Variants in TRHDE observed in about 807,000 individuals in gnomAD.
TRHDE encodes the protein thyrotropin releasing hormone degrading enzyme.
TRHDE carries 72 observed loss-of-function variants against 125.7 expected under a neutral mutation model. The observed-to-expected ratio is 0.57, with a 90% CI of 0.47 to 0.70. The LOEUF (loss-of-function observed/expected upper bound fraction) is 0.70. Among genes scored for constraint, TRHDE ranks in the 30% least tolerant of loss-of-function variants. The pLI, the probability that TRHDE is intolerant of heterozygous loss-of-function variation, is 0.00. For missense variants in TRHDE, 1,110 were observed against 1,327.1 expected (o/e 0.84, Z 2.54); for synonymous variants, 509 against 509.1 (o/e 1.00, Z 0.00).
At chr12:72,624,945 GAC>G (rs1283078954) in intron 15 of TRHDE, among the ~76,000 whole-genome samples, 5 of 149,996 alleles carry the variant, frequency 3.3e-5, no homozygotes, top group South Asian at 4.2e-4. Flanking sequence ...AAAAAAAAAA[GAC>G]ACAGAAAAGA....
At chr12:72,650,393 A>G (rs936830575) in intron 15 of TRHDE, among the ~76,000 whole-genome samples, 5 of 152,142 alleles carry the variant, frequency 3.3e-5, no homozygotes, top group Admixed American at 6.6e-5. Flanking sequence ...TAACTGTCAT[A>G]TATGGCACCA....
chr12:72,422,780 C>T (rs1211506505), intron 3 of TRHDE, among the ~76,000 whole-genome samples: 1 of 151,984 alleles, frequency 6.6e-6, no homozygotes, highest in Non-Finnish European at 1.5e-5. Flanking sequence ...CTGAATGTGA[C>T]CATGTTTTTG....
intron 15 of TRHDE, among the ~76,000 whole-genome samples, chr12:72,626,374 C>G (rs187322785): frequency 5.9e-4 from 89 of 151,986 alleles, no homozygotes; most frequent in African/African-American, 2.0e-3. Context: ...GAGTTACCCT[C>G]TACTTGTTTT....
At chr12:72,239,646 G>T (rs1352152717) in intron 2 of TRHDE, among the ~76,000 whole-genome samples, 1 of 152,152 alleles carries the variant, frequency 6.6e-6, no homozygotes, top group African/African-American at 2.4e-5. Context: ...GCAATGGAAG[G>T]ATGCAATTGC....
At chr12:72,195,795 C>T (rs1877429101) in intron 2 of TRHDE, among the ~76,000 whole-genome samples, 1 of 151,942 alleles carries the variant, frequency 6.6e-6, no homozygotes, top group Admixed American at 6.6e-5. Flanking sequence ...TAAATTATTT[C>T]CCAAGGCTGA....
At chr12:72,452,832 C>T (rs1252652014) in intron 3 of TRHDE, among the ~76,000 whole-genome samples, 1 of 151,924 alleles carries the variant, frequency 6.6e-6, no homozygotes, top group Middle Eastern at 3.2e-3. Flanking sequence ...CATGCCTACT[C>T]CCCCTTTGCC....
In TRHDE at chr12:72,333,780, C is replaced by A. The variant is rs557831127; in HGVS notation, c.1189-44215C>A. Among the ~76,000 whole-genome samples the A allele has an allele frequency of 2.6e-3, 398 of 152,262 alleles. 1 individual carries two copies. Among genetic ancestry groups the A allele is most frequent in the Non-Finnish European group, 4.5e-3 (304 of 68,028 alleles). ...GATTGAGGTAAAGTGTTATTTTGAA[C>A]CTTGGTCATCTCTTAATATTTTTCT... On this transcript the variant is annotated intron_variant, in intron 2 of 18. Transcript: ENST00000261180.
intron 3 of TRHDE, among the ~76,000 whole-genome samples, chr12:72,455,134 T>G (rs1248143631): frequency 6.6e-6 from 1 of 152,156 alleles, no homozygotes; most frequent in African/African-American, 2.4e-5. Context: ...TCAATGGTGA[T>G]CTCAAATTTA....
chr12:72,309,974 C>T (rs754527635), intron 2 of TRHDE, among the ~76,000 whole-genome samples: 1 of 152,144 alleles, frequency 6.6e-6, no homozygotes, highest in Non-Finnish European at 1.5e-5. Context: ...GCTGATCATT[C>T]TATTTTGTTG....
intron 2 of TRHDE, among the ~76,000 whole-genome samples, chr12:72,242,668 C>T (rs1159025706): frequency 6.6e-6 from 1 of 152,048 alleles, no homozygotes; most frequent in Non-Finnish European, 1.5e-5. Flanking sequence ...TGAGATCAGG[C>T]AGTGAAAAAA....
At chr12:72,371,202 A>T (rs982371305) in intron 2 of TRHDE, among the ~76,000 whole-genome samples, 2 of 151,654 alleles carry the variant, frequency 1.3e-5, no homozygotes, top group African/African-American at 2.4e-5. Flanking sequence ...ATCTTTCAAG[A>T]TTCAGCTGAA....
At chr12:72,499,033 A>G (rs1878035879) in intron 5 of TRHDE, among the ~76,000 whole-genome samples, 1 of 151,840 alleles carries the variant, frequency 6.6e-6, no homozygotes, top group African/African-American at 2.4e-5. Flanking sequence ...GGAGGGAAGG[A>G]CAGGGAAAAA....
At chr12:72,240,101 CT>C (rs2139380329) in intron 2 of TRHDE, among the ~76,000 whole-genome samples, 1 of 152,144 alleles carries the variant, frequency 6.6e-6, no homozygotes, top group Non-Finnish European at 1.5e-5. Context: ...TCTATGTGTT[CT>C]TTTAACACCC....
In TRHDE at chr12:72,562,863, G is replaced by A. The variant is rs1451611636; in HGVS notation, c.1865G>A (p.Arg622Lys). 2 of 1,562,788 alleles carry A rather than the reference G, an allele frequency of 1.3e-6. No individual in the cohort carries two copies. Among genetic ancestry groups the A allele is most frequent in the Non-Finnish European group, 1.7e-6 (2 of 1,159,944 alleles). The change falls in exon 9 of 19, where the codon AGA (arginine) becomes AAA (lysine). Residue 622 changes from arginine to lysine, a missense_variant. Physicochemically the swap from Arg to Lys is conservative, Grantham distance 26 (BLOSUM62 2). Around this residue, in one of 5 missense-constraint regions of TRHDE, gnomAD observed 527 missense variants for 651.8 expected, o/e 0.81. Coordinates refer to ENST00000261180, the MANE Select transcript of TRHDE (RefSeq NM_013381.3). Reference sequence around the variant, plus strand: ...TTTTTCCTTGTGAAGGCTTTAAAAAGAAATGGGAAATATGTAAATATACAA... The same window carrying A: ...TTTTTCCTTGTGAAGGCTTTAAAAAAAAATGGGAAATATGTAAATATACAA... The part of the protein sequence containing the change: ...LWNTLSEALK[R>K]NGKYVNIQEV...
intron 6 of TRHDE, among the ~76,000 whole-genome samples, chr12:72,512,397 T>TA (rs1388220994): frequency 2.9e-5 from 4 of 139,772 alleles, no homozygotes; most frequent in Non-Finnish European, 6.1e-5. Context: ...TATATAATTA[T>TA]TATTATATAA....
At chr12:72,479,487 A>T (rs1257469492) in intron 5 of TRHDE, among the ~76,000 whole-genome samples, 3 of 152,096 alleles carry the variant, frequency 2.0e-5, no homozygotes, top group Admixed American at 1.3e-4. Flanking sequence ...GTATTCGTGT[A>T]TATTCACTGT....
chr12:72,415,894 A>G (rs887592090), intron 3 of TRHDE, among the ~76,000 whole-genome samples: 5 of 152,078 alleles, frequency 3.3e-5, no homozygotes, highest in South Asian at 2.1e-4. Context: ...AAAAAAATGT[A>G]TACCCAACAG....
At chr12:72,359,084 C>CT (rs1483853771) in intron 2 of TRHDE, among the ~76,000 whole-genome samples, 1 of 151,322 alleles carries the variant, frequency 6.6e-6, no homozygotes, top group African/African-American at 2.4e-5. Flanking sequence ...CCTAACATGA[C>CT]TAAGTAGGTG....
chr12:72,261,210 C>T (rs1352325337), intron 2 of TRHDE, among the ~76,000 whole-genome samples: 3 of 152,208 alleles, frequency 2.0e-5, no homozygotes, highest in Admixed American at 6.5e-5. Context: ...GTTGTATTTT[C>T]CCAGATCTTG....
Sources: allele counts gnomAD v4.1 joint callset (sites outside exome capture counted in the v4.1 genomes callset), GRCh38; gene constraint gnomAD v4.1.1; regional missense constraint gnomAD v4.1.1; transcripts MANE v1.5; gene names NCBI Gene and HGNC (gene_info 2026-07-23, HGNC 2026-07-21).